PRKN: variants seen among roughly 807,000 people sequenced by gnomAD.
PRKN encodes parkin RBR E3 ubiquitin protein ligase, also known as E3 ubiquitin-protein ligase parkin.
In PRKN, 56 loss-of-function variants were observed where a neutral mutation model predicts 59.5. The ratio of observed to expected loss-of-function variants is 0.94; its 90% CI spans 0.76 to 1.18. PRKN has a LOEUF of 1.18. Ranked by LOEUF, PRKN falls within the 50% of genes most tolerant of loss-of-function variation. The pLI is 0.00. For synonymous variants in PRKN, 250 were observed against 222.1 expected (o/e 1.13, Z -1.12); for missense variants, 657 against 596.4 (o/e 1.10, Z -1.06).
intron 1 of PRKN, among the ~76,000 whole-genome samples, chr6:162,486,598 A>T (rs1223216003): frequency 1.3e-5 from 2 of 152,230 alleles, no homozygotes; most frequent in Non-Finnish European, 2.9e-5. Flanking sequence ...GTCCACTTGC[A>T]TTTCTGATAG....
At chr6:161,522,424 T>C (rs1185248896) in intron 9 of PRKN, among the ~76,000 whole-genome samples, 2 of 152,200 alleles carry the variant, frequency 1.3e-5, no homozygotes, top group Admixed American at 6.5e-5. Context: ...GATGGTTTCT[T>C]AGACCAGCTG....
At chr6:162,631,301 C>T (rs994252514) in intron 1 of PRKN, among the ~76,000 whole-genome samples, 1 of 152,130 alleles carries the variant, frequency 6.6e-6, no homozygotes, top group African/African-American at 2.4e-5. Flanking sequence ...AATTAAATTG[C>T]AACTGTCAAT....
intron 2 of PRKN, among the ~76,000 whole-genome samples, chr6:162,302,963 T>TACAC (rs71004084): frequency 0.24 from 34,088 of 139,174 alleles, 4,546 homozygotes; most frequent in Middle Eastern, 0.33. Flanking sequence ...GCCTTAAACA[T>TACAC]ACACACACAC....
At chr6:161,960,247 G>A (rs956914224) in intron 6 of PRKN, among the ~76,000 whole-genome samples, 1 of 152,194 alleles carries the variant, frequency 6.6e-6, no homozygotes, top group Non-Finnish European at 1.5e-5. Flanking sequence ...TATCTAGAAG[G>A]ACAGAGGCAA....
In PRKN at chr6:161,646,445, T is replaced by C. The variant is rs111469872; in HGVS notation, c.872-77029A>G. On this transcript the variant is annotated intron_variant, in intron 7 of 11. Coordinates refer to ENST00000366898, the MANE Select transcript of PRKN (RefSeq NM_004562.3). ...GTGGTCACTGCGTGTGCGTGCGTGG[T>C]GGAGGAGGCGGCGTATTAGTGACAG... is the stretch of plus-strand genomic sequence containing the variant. Among the ~76,000 whole-genome samples, 487 of 70,580 alleles carry C rather than the reference T, an allele frequency of 6.9e-3. 43 individuals are homozygous for C. Among genetic ancestry groups the C allele is most frequent in the Middle Eastern group, 0.014 (1 of 70 alleles). 46.3% of individuals were successfully genotyped at this position (70,580 alleles called of 152,430 possible).
chr6:162,450,923 T>C (rs1163141578), intron 1 of PRKN, among the ~76,000 whole-genome samples: 2 of 152,184 alleles, frequency 1.3e-5, no homozygotes, highest in Non-Finnish European at 2.9e-5. Context: ...AGTATAACAA[T>C]GTAAGAAGTT....
rs1463895705 is a variant in PRKN, at chr6:161,442,098, C to G, written c.1084-55221G>C. Reference sequence around the variant, plus strand: ...ACACGAGTGAGTTTTATTTTCATCCCTACTTTAATAAACATACATGTGCCA... The same window carrying G: ...ACACGAGTGAGTTTTATTTTCATCCGTACTTTAATAAACATACATGTGCCA... On this transcript the variant is annotated intron_variant, in intron 9 of 11. Transcript: ENST00000366898. The surrounding 1 kb of genome is among the most constrained non-coding windows in gnomAD (Gnocchi z 4.6). Among the ~76,000 whole-genome samples the G allele has an allele frequency of 6.6e-6, 1 of 152,180 alleles. No individual in the cohort carries two copies. Among genetic ancestry groups the G allele is most frequent in the Non-Finnish European group, 1.5e-5 (1 of 68,024 alleles).
At chr6:161,947,292 T>C (rs1306991877) in intron 6 of PRKN, among the ~76,000 whole-genome samples, 2 of 152,188 alleles carry the variant, frequency 1.3e-5, no homozygotes, top group South Asian at 4.1e-4. Flanking sequence ...ATTCACTTAA[T>C]AGAAAAAAAG....
chr6:162,254,141 T>G (rs1225228497), intron 3 of PRKN, among the ~76,000 whole-genome samples: 1 of 152,106 alleles, frequency 6.6e-6, no homozygotes, highest in Non-Finnish European at 1.5e-5. Context: ...TAGGTAAAGA[T>G]CCATGTATTT....
chr6:161,870,048 A>G (rs938471359), intron 6 of PRKN, among the ~76,000 whole-genome samples: 2 of 152,200 alleles, frequency 1.3e-5, no homozygotes, highest in Non-Finnish European at 2.9e-5. Context: ...AATACCAATC[A>G]TCTATGTATT....
intron 2 of PRKN, among the ~76,000 whole-genome samples, chr6:162,360,606 C>CA (rs1404795182): frequency 6.6e-6 from 1 of 151,602 alleles, no homozygotes; most frequent in East Asian, 1.9e-4. Context: ...ACAAAAAAAC[C>CA]AAAAAACAAA....
chr6:162,339,560 G>A (rs1299210021), intron 2 of PRKN, among the ~76,000 whole-genome samples: 1 of 147,808 alleles, frequency 6.8e-6, no homozygotes, highest in African/African-American at 2.5e-5. Flanking sequence ...TCCGGGAGGT[G>A]AGGGGCGCCT....
At chr6:162,381,378 C>T (rs747256504) in intron 2 of PRKN, among the ~76,000 whole-genome samples, 9 of 152,100 alleles carry the variant, frequency 5.9e-5, no homozygotes, top group South Asian at 2.1e-4. Context: ...CCACTCAATT[C>T]GATTTTTGAG....
chr6:162,533,022 T>C (rs576858986), intron 1 of PRKN, among the ~76,000 whole-genome samples: 181 of 152,316 alleles, frequency 1.2e-3, no homozygotes, highest in African/African-American at 4.2e-3. Flanking sequence ...CCCTAGGTGC[T>C]TATCGGCTGT....
At chr6:162,132,384 C>A (rs111955642) in intron 4 of PRKN, among the ~76,000 whole-genome samples, 1 of 152,174 alleles carries the variant, frequency 6.6e-6, no homozygotes, top group African/African-American at 2.4e-5. Context: ...ACAGGCCATA[C>A]CAGAGGCAGC....
At chr6:161,638,392 C>T (rs1027086054) in intron 7 of PRKN, among the ~76,000 whole-genome samples, 6 of 152,184 alleles carry the variant, frequency 3.9e-5, no homozygotes, top group African/African-American at 1.4e-4. Flanking sequence ...GCCTCGGCGT[C>T]CCAAAGTGCT....
At chr6:162,273,029 A>T (rs1466691329) in intron 2 of PRKN, among the ~76,000 whole-genome samples, 1 of 151,500 alleles carries the variant, frequency 6.6e-6, no homozygotes, top group Non-Finnish European at 1.5e-5. Flanking sequence ...AGGAAAAAAA[A>T]TTTTCAGAAA....
At chr6:162,646,762 C>G (rs1210509203) in intron 1 of PRKN, among the ~76,000 whole-genome samples, 1 of 152,112 alleles carries the variant, frequency 6.6e-6, no homozygotes, top group Non-Finnish European at 1.5e-5. Context: ...CCTCCTGCTC[C>G]TGGGCTACAA....
chr6:162,018,393 A>G (rs983936292), intron 5 of PRKN, among the ~76,000 whole-genome samples: 4 of 152,328 alleles, frequency 2.6e-5, no homozygotes, highest in South Asian at 2.1e-4. Flanking sequence ...ACAAATGCAC[A>G]TGTGCTCATA....
Sources: allele counts gnomAD v4.1 joint callset (sites outside exome capture counted in the v4.1 genomes callset), GRCh38; gene constraint gnomAD v4.1.1; non-coding constraint Gnocchi (gnomAD v3.1); transcripts MANE v1.5; gene names NCBI Gene and HGNC (gene_info 2026-07-23, HGNC 2026-07-21).